Variants in KANSL1 observed in about 807,000 individuals in gnomAD.
The protein encoded by KANSL1 is MLL1/MLL complex subunit KANSL1.
In KANSL1, 22 loss-of-function variants were observed where a neutral mutation model predicts 103.6. The ratio of observed to expected loss-of-function variants is 0.21; its 90% CI spans 0.15 to 0.30. The LOEUF (loss-of-function observed/expected upper bound fraction) is 0.30, where lower values mean the gene tolerates loss of function less well. Ranked by LOEUF, KANSL1 falls within the 10% of genes least tolerant of loss-of-function variation. The pLI is 1.00. For synonymous variants in KANSL1, 600 were observed against 527.6 expected, an observed-to-expected ratio of 1.14 and a Z score of -1.88; for missense variants, 1,337 against 1,399.8, an observed-to-expected ratio of 0.96 and a Z score of 0.72.
chr17:46,066,569 G>C lies in KANSL1; in HGVS notation c.1816C>G (p.Arg606Gly), dbSNP rs281865469. The C allele has an allele frequency of 6.2e-7, 1 of 1,613,576 alleles. No individual in the cohort carries two copies. The highest frequency in any genetic ancestry group is 1.7e-5 in the Admixed American group (1 of 59,994). Residue 606 changes from arginine (R) to glycine (G), a missense_variant, in exon 6 of 15, where the codon CGA (arginine) becomes GGA (glycine). By Grantham distance (125) the Arg-to-Gly change is moderately radical. Around this residue, in one of 2 missense-constraint regions of KANSL1, gnomAD observed 780 missense variants for 923.4 expected, o/e 0.84. Transcript: ENST00000432791. The stretch of plus-strand genomic sequence containing the variant: ...GAAAGAGGAACGATGCTGTTGGGTC[G>C]AACAAGCCTCCGCTTCTTACAGCTC... Reference protein sequence around the residue: ...VLSCKKRRLVRPNSIVPLSKK... With the variant: ...VLSCKKRRLVGPNSIVPLSKK...
chr17:46,038,508 G>A (rs2077216942), intron 10 of KANSL1, 30 bp downstream of exon 10: 7 of 1,610,664 alleles, frequency 4.3e-6, no homozygotes, highest in Non-Finnish European at 5.9e-6. Context: ...TGCAGAGGGG[G>A]TGTCCGGCCA....
At chr17:46,213,067 T>A (rs1240532564) in intron 1 of KANSL1, among the ~76,000 whole-genome samples, 1 of 152,218 alleles carries the variant, frequency 6.6e-6, no homozygotes, top group African/African-American at 2.4e-5. Context: ...ATCATTTAAA[T>A]ATCAGCAACT....
intron 2 of KANSL1, among the ~76,000 whole-genome samples, chr17:46,103,213 CT>C (rs2042394573): frequency 6.6e-6 from 1 of 152,220 alleles, no homozygotes. Context: ...TCCTCATGCT[CT>C]TTTATTTATC....
intron 2 of KANSL1, among the ~76,000 whole-genome samples, chr17:46,168,066 G>T (rs2046093815): frequency 6.6e-6 from 1 of 152,202 alleles, no homozygotes; most frequent in Middle Eastern, 3.2e-3. Flanking sequence ...TGGAAGGGTG[G>T]GGGGAGCCAA....
chr17:46,095,869 C>T (rs375357327), intron 2 of KANSL1, among the ~76,000 whole-genome samples: 2 of 152,036 alleles, frequency 1.3e-5, no homozygotes, highest in East Asian at 1.9e-4. Context: ...AGGAAATTCA[C>T]ATAAAAGGCA....
chr17:46,152,586 G>T (rs959030906), intron 2 of KANSL1, among the ~76,000 whole-genome samples: 4 of 145,580 alleles, frequency 2.7e-5, no homozygotes, highest in South Asian at 2.3e-4. Flanking sequence ...ACACAAAGGG[G>T]GGGGGGGGAT....
At chr17:46,038,720 G>A in intron 9 of KANSL1, 34 bp from the exon 10 acceptor site, 2 of 1,612,132 alleles carry the variant, frequency 1.2e-6, no homozygotes, top group African/African-American at 1.3e-5. Context: ...AGAAATACAT[G>A]GCTATCTTAA....
chr17:46,123,351 T>C (rs1334397465), intron 2 of KANSL1, among the ~76,000 whole-genome samples: 1 of 152,168 alleles, frequency 6.6e-6, no homozygotes, highest in African/African-American at 2.4e-5. Flanking sequence ...CACTCCAGCC[T>C]GGGCGGCAGA....
chr17:46,068,278 C>T (rs1199909756), intron 4 of KANSL1, among the ~76,000 whole-genome samples: 1 of 151,994 alleles, frequency 6.6e-6, no homozygotes, highest in Non-Finnish European at 1.5e-5. Context: ...AAAATATACA[C>T]ACAGGCCGGG....
chr17:46,092,098 G>A (rs1355896817), intron 3 of KANSL1, among the ~76,000 whole-genome samples: 1 of 152,174 alleles, frequency 6.6e-6, no homozygotes, highest in Non-Finnish European at 1.5e-5. Context: ...GCCTCCCAAA[G>A]TGCTGAGATT....
At chr17:46,084,292 GA>G (rs927650080) in intron 3 of KANSL1, among the ~76,000 whole-genome samples, 4 of 152,130 alleles carry the variant, frequency 2.6e-5, no homozygotes, top group African/African-American at 9.7e-5. Flanking sequence ...TGAAGAAGGA[GA>G]ATCGCTTGAA....
intron 2 of KANSL1, among the ~76,000 whole-genome samples, chr17:46,108,231 T>C (rs148282749): frequency 1.1e-3 from 170 of 152,340 alleles, no homozygotes; most frequent in African/African-American, 4.0e-3. Context: ...CAATCCCTGC[T>C]ACCTCTCTGG....
chr17:46,175,790 T>A (rs1310027929), intron 1 of KANSL1, among the ~76,000 whole-genome samples: 2 of 152,230 alleles, frequency 1.3e-5, no homozygotes, highest in African/African-American at 2.4e-5. Flanking sequence ...GCACAAATTA[T>A]TCTATGTTGT....
At chr17:46,046,840 T>TAAAAAAAAA (rs36102082) in intron 7 of KANSL1, among the ~76,000 whole-genome samples, 3 of 118,684 alleles carry the variant, frequency 2.5e-5, no homozygotes, top group Non-Finnish European at 3.4e-5. Context: ...GTCTCAAAAG[T>TAAAAAAAAA]AAAAAAAAAA....
chr17:46,078,018 T>C (rs1463071150), intron 4 of KANSL1, among the ~76,000 whole-genome samples: 1 of 152,198 alleles, frequency 6.6e-6, no homozygotes, highest in East Asian at 1.9e-4. Context: ...ATACAGACAA[T>C]GTATGCAATA....
chr17:46,051,791 CAG>C (rs2077718936), intron 6 of KANSL1, among the ~76,000 whole-genome samples: 1 of 152,368 alleles, frequency 6.6e-6, no homozygotes, highest in East Asian at 1.9e-4. Flanking sequence ...TTATTTTCAG[CAG>C]AGACATCTCG....
intron 4 of KANSL1, among the ~76,000 whole-genome samples, chr17:46,075,162 A>G (rs2078714603): frequency 6.6e-6 from 1 of 152,248 alleles, no homozygotes; most frequent in African/African-American, 2.4e-5. Flanking sequence ...AAAGGACATT[A>G]ATAAGAAAAC....
At chr17:46,161,084 C>T (rs1238765083) in intron 2 of KANSL1, among the ~76,000 whole-genome samples, 1 of 152,084 alleles carries the variant, frequency 6.6e-6, no homozygotes, top group Non-Finnish European at 1.5e-5. Context: ...ACCAGAATGT[C>T]TCAACTCTGT....
At chr17:46,052,091 T>C (rs534459336) in intron 6 of KANSL1, among the ~76,000 whole-genome samples, 11 of 152,240 alleles carry the variant, frequency 7.2e-5, no homozygotes, top group Non-Finnish European at 1.5e-4. Flanking sequence ...GGATGACATT[T>C]TGAGGTAAAG....
Sources: allele counts gnomAD v4.1 joint callset (sites outside exome capture counted in the v4.1 genomes callset), GRCh38; gene constraint gnomAD v4.1.1; regional missense constraint gnomAD v4.1.1; transcripts MANE v1.5; gene names NCBI Gene and HGNC (gene_info 2026-07-23, HGNC 2026-07-21).